PITPNC1: variants seen among roughly 807,000 people sequenced by gnomAD.
PITPNC1 encodes the protein cytoplasmic phosphatidylinositol transfer protein 1.
A neutral mutation model predicts 44.7 loss-of-function variants in PITPNC1; 18 were observed. That is an observed-to-expected ratio of 0.40 (90% CI 0.28 to 0.60). The LOEUF is 0.60. PITPNC1 is among the 20% of genes least tolerant of loss of function. The pLI is 0.39. For synonymous variants in PITPNC1, 141 were observed against 149.6 expected (o/e 0.94, Z 0.42); for missense variants, 290 against 418.4 (o/e 0.69, Z 2.68).
chr17:67,472,784 G>A (rs2039562808), intron 1 of PITPNC1, among the ~76,000 whole-genome samples: 1 of 152,164 alleles, frequency 6.6e-6, no homozygotes, highest in African/African-American at 2.4e-5. Context: ...TTAGAAGTGA[G>A]TCACTCAGGG....
At chr17:67,443,775 C>T (rs979312221) in intron 1 of PITPNC1, among the ~76,000 whole-genome samples, 20 of 151,490 alleles carry the variant, frequency 1.3e-4, no homozygotes, top group African/African-American at 4.6e-4. Context: ...GTTGGAATTA[C>T]AGGCGTCTGC....
intron 1 of PITPNC1, among the ~76,000 whole-genome samples, chr17:67,440,972 A>G (rs1290812424): frequency 6.6e-6 from 1 of 152,182 alleles, no homozygotes; most frequent in African/African-American, 2.4e-5. Context: ...TTCACAGAGT[A>G]TTAAGATCCC....
chr17:67,527,993 C>G (rs909961912), intron 1 of PITPNC1, among the ~76,000 whole-genome samples: 2 of 152,002 alleles, frequency 1.3e-5, no homozygotes, highest in Non-Finnish European at 2.9e-5. Context: ...AGAGTAAGAC[C>G]CTGCTGCTTT....
intron 1 of PITPNC1, among the ~76,000 whole-genome samples, chr17:67,455,731 C>T (rs756139132): frequency 3.9e-5 from 6 of 151,934 alleles, no homozygotes; most frequent in African/African-American, 7.3e-5. Context: ...CGTGAGCCAC[C>T]GCTCCCAGCT....
At chr17:67,614,534 T>C (rs139113692) in intron 5 of PITPNC1, among the ~76,000 whole-genome samples, 1 of 151,656 alleles carries the variant, frequency 6.6e-6, no homozygotes, top group Non-Finnish European at 1.5e-5. Context: ...TAGCCAGGTG[T>C]GGTGGCACAT....
intron 1 of PITPNC1, among the ~76,000 whole-genome samples, chr17:67,503,395 C>T (rs1598750320): frequency 6.6e-6 from 1 of 152,106 alleles, no homozygotes; most frequent in East Asian, 1.9e-4. Flanking sequence ...CACTCTGGGT[C>T]ACAGAGCTGG....
chr17:67,529,288 T>C (rs898669938), intron 1 of PITPNC1, among the ~76,000 whole-genome samples: 3 of 152,184 alleles, frequency 2.0e-5, no homozygotes, highest in Non-Finnish European at 4.4e-5. Flanking sequence ...TTCTGTGTCA[T>C]GCACTGACCT....
chr17:67,378,532 C>A (rs1406656093), intron 1 of PITPNC1, among the ~76,000 whole-genome samples: 2 of 152,200 alleles, frequency 1.3e-5, no homozygotes, highest in African/African-American at 4.8e-5. Flanking sequence ...CAAGAGCCCC[C>A]GGCGCGCGCT....
intron 8 of PITPNC1, among the ~76,000 whole-genome samples, chr17:67,687,374 C>A (rs959054504): frequency 1.3e-5 from 2 of 152,192 alleles, no homozygotes; most frequent in Admixed American, 1.3e-4. Flanking sequence ...ACATTTCGAT[C>A]CCTTAAAGTT....
intron 6 of PITPNC1, among the ~76,000 whole-genome samples, chr17:67,642,674 C>T (rs533834113): frequency 1.3e-5 from 2 of 152,056 alleles, no homozygotes; most frequent in Non-Finnish European, 1.5e-5. Flanking sequence ...AAAGATAAGA[C>T]GCCAAGTCTC....
At chr17:67,378,866 G>C (rs1037934327) in intron 1 of PITPNC1, 2 of 472,526 alleles carry the variant, frequency 4.2e-6, no homozygotes, top group African/African-American at 4.2e-5. Flanking sequence ...CGCGAGCCGG[G>C]AGCGGCGGGG....
intron 4 of PITPNC1, 60 bp downstream of exon 4, chr17:67,553,677 G>A: frequency 3.1e-6 from 2 of 650,226 alleles, no homozygotes; most frequent in Non-Finnish European, 5.1e-6. Context: ...TAATTGGAAT[G>A]TCTCTTGTAT....
At position 67,421,528 on chromosome 17, in the gene PITPNC1, C is replaced by A. The variant is rs531947376; in HGVS notation, c.48+43326C>A. ...GAACTCCTGACCTCAGGTGATCCAC[C>A]TGCCTCGGCCTCCCAAAGTGCTGGG... On this transcript the variant is annotated intron_variant, in intron 1 of 8. Coordinates refer to ENST00000581322, the MANE Select transcript of PITPNC1 (RefSeq NM_012417.4). 2.0e-5 allele frequency among the ~76,000 whole-genome samples: 3 copies of A among 152,250 alleles called. No individual in the cohort carries two copies. The Middle Eastern group carries it at 0.01, about 518-fold the overall frequency.
chr17:67,646,661 A>G (rs923878186), intron 6 of PITPNC1, among the ~76,000 whole-genome samples: 1 of 152,094 alleles, frequency 6.6e-6, no homozygotes, highest in East Asian at 1.9e-4. Flanking sequence ...CTACCAGCAC[A>G]TGCCACCACA....
chr17:67,694,262 T>A lies in PITPNC1; in HGVS notation c.*1374T>A. On this transcript the variant is annotated 3_prime_UTR_variant, in exon 9 of 9. Coordinates refer to ENST00000581322, the MANE Select transcript of PITPNC1 (RefSeq NM_012417.4). Reference sequence around the variant, plus strand: ...CGGGAGGGCAGGCCAAATCTCAGCATTGACTTTTGTCCTCCAAGAGAGGAA... The same window carrying A: ...CGGGAGGGCAGGCCAAATCTCAGCAATGACTTTTGTCCTCCAAGAGAGGAA... 1 of 152,232 alleles carries A rather than the reference T, an allele frequency of 6.6e-6. No homozygotes were observed. Among genetic ancestry groups the A allele is most frequent in the East Asian group, 1.9e-4 (1 of 5,192 alleles). 9.4% of individuals were successfully genotyped at this position (152,232 alleles called of 1,614,324 possible). A position where few individuals can be genotyped will look rare whatever the true frequency, so the allele number is the denominator to read the frequency against.
At chr17:67,520,978 C>T (rs1194306205) in intron 1 of PITPNC1, among the ~76,000 whole-genome samples, 3 of 152,106 alleles carry the variant, frequency 2.0e-5, no homozygotes, top group South Asian at 2.1e-4. Flanking sequence ...CCCCTAAAAG[C>T]GAGTCAGTGT....
intron 4 of PITPNC1, among the ~76,000 whole-genome samples, chr17:67,557,687 G>A (rs889702685): frequency 5.3e-5 from 8 of 152,172 alleles, no homozygotes; most frequent in Non-Finnish European, 7.3e-5. Context: ...GTGTTCTCAC[G>A]CTCTCTGTCC....
At chr17:67,512,135 C>T (rs939593927) in intron 1 of PITPNC1, among the ~76,000 whole-genome samples, 5 of 152,196 alleles carry the variant, frequency 3.3e-5, no homozygotes, top group African/African-American at 4.8e-5. Flanking sequence ...GAAAGATCCA[C>T]GTTGACTCCC....
At chr17:67,624,853 C>T (rs72839407) in intron 5 of PITPNC1, among the ~76,000 whole-genome samples, 11,791 of 152,166 alleles carry the variant, frequency 0.077, 581 homozygotes, top group Middle Eastern at 0.14. Flanking sequence ...GATAAATTCT[C>T]AAAATGTAAG....
Sources: allele counts gnomAD v4.1 joint callset (sites outside exome capture counted in the v4.1 genomes callset), GRCh38; gene constraint gnomAD v4.1.1; transcripts MANE v1.5; gene names NCBI Gene and HGNC (gene_info 2026-07-23, HGNC 2026-07-21).